The following EML6 variants were observed in gnomAD, a reference collection of about 807,000 sequenced individuals.
EML6 encodes the protein EMAP like 6, also known as echinoderm microtubule-associated protein-like 6.
EML6 carries 154 observed loss-of-function variants against 240.1 expected under a neutral mutation model. The ratio of observed to expected loss-of-function variants is 0.64; its 90% CI spans 0.56 to 0.73. The LOEUF (loss-of-function observed/expected upper bound fraction) is 0.73, where lower values mean the gene tolerates loss of function less well. Ranked by LOEUF, EML6 falls within the 30% of genes least tolerant of loss-of-function variation. The pLI is 0.00. For missense variants in EML6, 2,964 were observed against 2,474.6 expected (o/e 1.20, Z -4.20); for synonymous variants, 1,148 against 899.0 (o/e 1.28, Z -4.95).
intron 2 of EML6, among the ~76,000 whole-genome samples, chr2:54,804,477 C>G (rs1401214607): frequency 6.6e-6 from 1 of 152,200 alleles, no homozygotes; most frequent in African/African-American, 2.4e-5. Context: ...CCATGCTGAT[C>G]AAATTCTTTT....
intron 2 of EML6, among the ~76,000 whole-genome samples, chr2:54,761,294 C>T (rs909961822): frequency 2.0e-4 from 30 of 151,732 alleles, no homozygotes; most frequent in African/African-American, 7.0e-4. Flanking sequence ...ATAAACAATA[C>T]GCTTTGTTTC....
At chr2:54,788,958 C>T (rs1669244448) in intron 2 of EML6, among the ~76,000 whole-genome samples, 1 of 152,164 alleles carries the variant, frequency 6.6e-6, no homozygotes, top group South Asian at 2.1e-4. Context: ...TTCCCTTCTC[C>T]ATCCGCCCCA....
At position 54,916,768 on chromosome 2, in the gene EML6, A is replaced by G. The variant is rs909096624; in HGVS notation, c.3508A>G (p.Ile1170Val). 31 of 1,498,322 alleles carry G rather than the reference A, an allele frequency of 2.1e-5. No homozygotes were observed. Among genetic ancestry groups the G allele is most frequent in the Non-Finnish European group, 2.7e-5 (30 of 1,110,504 alleles). 92.8% of individuals were successfully genotyped at this position (1,498,322 alleles called of 1,614,324 possible). ...TTTCGTTCTTTTTCAGATCGAGAAG[A>G]TAGAGTGGGACACATGGACCTGTGT... ...HIIRPSEIEKIEWDTWTCVLG... is the reference protein window; with the variant it reads ...HIIRPSEIEKVEWDTWTCVLG... Residue 1170 changes from isoleucine (I) to valine (V), a missense_variant, in exon 26 of 42, where the codon ATA (isoleucine) becomes GTA (valine). Transcript: ENST00000356458.
chr2:54,963,976 A>C lies in EML6; in HGVS notation c.5158-10A>C. The C allele has an allele frequency of 6.5e-7, 1 of 1,544,918 alleles. No homozygotes were observed. Among genetic ancestry groups the C allele is most frequent in the Non-Finnish European group, 8.7e-7 (1 of 1,143,954 alleles). On this transcript the variant is annotated splice_polypyrimidine_tract_variant and intron_variant, in intron 36 of 41. Coordinates refer to ENST00000356458, the MANE Select transcript of EML6 (RefSeq NM_001039753.4). ...AAGAGCTCAGGTGACTTTCCTTTGC[A>C]TCAATGTAGAAGCTGTTAAACAAGG...
intron 16 of EML6, among the ~76,000 whole-genome samples, chr2:54,872,615 T>C (rs917958390): frequency 6.6e-6 from 1 of 152,222 alleles, no homozygotes; most frequent in Non-Finnish European, 1.5e-5. Context: ...TGTGGAGCCC[T>C]TGGGACATCC....
At chr2:54,892,146 G>C (rs1672504069) in intron 18 of EML6, among the ~76,000 whole-genome samples, 1 of 152,206 alleles carries the variant, frequency 6.6e-6, no homozygotes, top group Non-Finnish European at 1.5e-5. Flanking sequence ...CTTGGACTGA[G>C]ATGCATATTG....
At chr2:54,950,875 C>A in intron 30 of EML6, 96 bp downstream of exon 30, 3 of 1,310,612 alleles carry the variant, frequency 2.3e-6, no homozygotes, top group Non-Finnish European at 1.0e-6. Context: ...CATTTTCCTT[C>A]CCTTATAGAG....
Position 54,863,899 on chromosome 2 carries a change from C to G in EML6, c.1932+10C>G. The G allele has an allele frequency of 6.8e-7, 1 of 1,474,214 alleles. No individual in the cohort carries two copies. Among genetic ancestry groups the G allele is most frequent in the South Asian group, 1.3e-5 (1 of 79,354 alleles). The allele number at this position is 1,474,214 out of a possible 1,614,324, so 91.3% of individuals were successfully genotyped here. ...CAATTATGATCGCCAGGTCGGTAAG[C>G]AGGGAGCAATGAAAATTTGTAACCC... On this transcript the variant is annotated intron_variant, in intron 13 of 41. Coordinates refer to ENST00000356458, the MANE Select transcript of EML6 (RefSeq NM_001039753.4).
intron 32 of EML6, among the ~76,000 whole-genome samples, 191 bp from the exon 33 acceptor site, chr2:54,957,599 G>A (rs947672608): frequency 1.8e-4 from 27 of 152,322 alleles, no homozygotes; most frequent in African/African-American, 6.3e-4. Context: ...AGCACCTGCT[G>A]CTCTGGAAAC....
chr2:54,874,094 G>A (rs902569102), intron 16 of EML6, among the ~76,000 whole-genome samples: 2 of 152,038 alleles, frequency 1.3e-5, no homozygotes, highest in Non-Finnish European at 2.9e-5. Context: ...TTTTGAAATC[G>A]AAATAATTAG....
intron 26 of EML6, among the ~76,000 whole-genome samples, chr2:54,921,133 GAA>G (rs1273012461): frequency 5.3e-5 from 8 of 151,954 alleles, no homozygotes; most frequent in Non-Finnish European, 1.0e-4. Flanking sequence ...GCAAAAGAGA[GAA>G]AAGGCATCCA....
intron 26 of EML6, among the ~76,000 whole-genome samples, chr2:54,921,675 T>TCTATATTACTATATTA (rs1674261694): frequency 1.3e-5 from 2 of 152,092 alleles, no homozygotes; most frequent in African/African-American, 4.8e-5. Flanking sequence ...AATATACATT[T>TCTATATTACTATATTA]CAAACTATAT....
chr2:54,850,420 G>A (rs1670012733), intron 10 of EML6: 1 of 548,228 alleles, frequency 1.8e-6, no homozygotes, highest in Non-Finnish European at 3.2e-6. Context: ...AAAGGTATGA[G>A]TTGGAACATG....
In EML6 at chr2:54,757,882, C is replaced by CT. The variant is rs201468444; in HGVS notation, c.197+32639dup. On this transcript the variant is annotated intron_variant, in intron 2 of 41. Transcript: ENST00000356458. ...CACTTACTCATTTGCTTTCCAGCTCCTTTTTTTTTTTTTTTCTTCAAGGTT... is the reference window on the plus strand; with the variant it reads ...CACTTACTCATTTGCTTTCCAGCTCCTTTTTTTTTTTTTTTTCTTCAAGGTT... Among the ~76,000 whole-genome samples the CT allele has an allele frequency of 9.3e-3, 1,306 of 140,850 alleles. 18 individuals carry two copies. Among genetic ancestry groups the CT allele is most frequent in the African/African-American group, 0.026 (997 of 38,662 alleles). The allele number at this position is 140,850 out of a possible 152,430, so 92.4% of individuals were successfully genotyped here.
In EML6 at chr2:54,935,633, A is replaced by C. The variant is rs185629518; in HGVS notation, c.4004+6882A>C. On this transcript the variant is annotated intron_variant, in intron 28 of 41. Transcript: ENST00000356458. The stretch of plus-strand genomic sequence containing the variant: ...CGTGCCACAACAATCAACTTTTAAA[A>C]TACATTCATGCTGAGGTTTGTTACT... 9.3e-4 allele frequency among the ~76,000 whole-genome samples: 141 copies of C among 152,340 alleles called. 1 individual carries two copies. The highest frequency in any genetic ancestry group is 3.3e-3 in the African/African-American group (139 of 41,574).
chr2:54,937,934 G>A lies in EML6; in HGVS notation c.4004+9183G>A, dbSNP rs780944082. On this transcript the variant is annotated intron_variant, in intron 28 of 41. Coordinates refer to ENST00000356458, the MANE Select transcript of EML6 (RefSeq NM_001039753.4). ...TGGCTCCCCTTGGATTTCCTCTTAC[G>A]TATAAAACCTCTTTATACGTAAAGA... is the stretch of plus-strand genomic sequence containing the variant. Among the ~76,000 whole-genome samples the A allele has an allele frequency of 3.5e-4, 54 of 152,254 alleles. 1 individual carries two copies. Among genetic ancestry groups the A allele is most frequent in the Middle Eastern group, 6.8e-3 (2 of 294 alleles).
intron 37 of EML6, 57 bp from the exon 38 acceptor site, chr2:54,964,514 C>T: frequency 6.6e-7 from 1 of 1,515,506 alleles, no homozygotes; most frequent in Non-Finnish European, 8.9e-7. Flanking sequence ...GCCTTCGTGC[C>T]TGACCAGCCC....
chr2:54,758,185 C>A (rs1232327117), intron 2 of EML6, among the ~76,000 whole-genome samples: 1 of 151,980 alleles, frequency 6.6e-6, no homozygotes, highest in East Asian at 1.9e-4. Context: ...TAAAATCTTT[C>A]CAGCTGTTCT....
intron 2 of EML6, among the ~76,000 whole-genome samples, chr2:54,743,577 T>C (rs1192574566): frequency 6.6e-6 from 1 of 152,188 alleles, no homozygotes; most frequent in East Asian, 1.9e-4. Flanking sequence ...GTTCTTTCTA[T>C]TACATGGGAA....
Sources: allele counts gnomAD v4.1 joint callset (sites outside exome capture counted in the v4.1 genomes callset), GRCh38; gene constraint gnomAD v4.1.1; transcripts MANE v1.5; gene names NCBI Gene and HGNC (gene_info 2026-07-23, HGNC 2026-07-21).